Variants in COL12A1 observed in about 807,000 individuals in gnomAD.
The protein encoded by COL12A1 is collagen alpha-1(XII) chain.
Under a neutral mutation model 349.7 loss-of-function variants are expected in COL12A1, and 114 were observed. That is an observed-to-expected ratio of 0.33 (90% CI 0.28 to 0.38). COL12A1 has a LOEUF of 0.38. Among genes scored for constraint, COL12A1 ranks in the 10% least tolerant of loss-of-function variants. The pLI, the probability that COL12A1 is intolerant of heterozygous loss-of-function variation, is 1.00. For synonymous variants in COL12A1, 1,369 were observed against 1,329.0 expected (o/e 1.03, Z -0.66); for missense variants, 3,284 against 3,756.9 (o/e 0.87, Z 3.29).
chr6:75,126,684 T>C (rs1367288004), intron 38 of COL12A1, among the ~76,000 whole-genome samples: 1 of 152,050 alleles, frequency 6.6e-6, no homozygotes, highest in Non-Finnish European at 1.5e-5. Flanking sequence ...ACTCAAGAAC[T>C]AGTGATTTCC....
intron 8 of COL12A1, among the ~76,000 whole-genome samples, chr6:75,185,537 T>C (rs933578354): frequency 7.2e-5 from 11 of 152,086 alleles, no homozygotes; most frequent in Non-Finnish European, 1.5e-4. Context: ...AAAATGGCCA[T>C]ACTGCCAAAA....
At chr6:75,134,700 G>A (rs1246129170) in intron 32 of COL12A1, 26 bp downstream of exon 32, 1 of 1,573,768 alleles carries the variant, frequency 6.4e-7, no homozygotes, top group Non-Finnish European at 8.7e-7. Context: ...TATTAAAGAA[G>A]CTATAGGAAC....
chr6:75,134,992 A>G (rs1766513557), intron 31 of COL12A1, 137 bp from the exon 32 acceptor site: 2 of 752,686 alleles, frequency 2.7e-6, no homozygotes, highest in East Asian at 2.9e-5. Context: ...GTCAAGGTTT[A>G]ACATACACCT....
At chr6:75,174,355 G>A (rs1361310046) in intron 13 of COL12A1, among the ~76,000 whole-genome samples, 2 of 152,056 alleles carry the variant, frequency 1.3e-5, no homozygotes, top group Non-Finnish European at 2.9e-5. Flanking sequence ...AGGAGATCGA[G>A]ATCATCCTGG....
At chr6:75,182,309 C>T (rs1769358599) in intron 10 of COL12A1, among the ~76,000 whole-genome samples, 1 of 151,890 alleles carries the variant, frequency 6.6e-6, no homozygotes, top group South Asian at 2.1e-4. Context: ...TTGCTGCATC[C>T]ATCAACTCGT....
rs372425918 is a variant in COL12A1, at chr6:75,198,322, G to A, written c.74-3375C>T. 3.8e-4 allele frequency among the ~76,000 whole-genome samples: 58 copies of A among 151,940 alleles called. No homozygotes were observed. In the Middle Eastern group the frequency reaches 0.01, roughly 27 times the overall value. On this transcript the variant is annotated intron_variant, in intron 2 of 65. Coordinates refer to ENST00000322507, the MANE Select transcript of COL12A1 (RefSeq NM_004370.6). ...CCACATGCTTAGCATTCCAATAGTG[G>A]AACACTAGGCATAAATGGGTTTAAT... is the stretch of plus-strand genomic sequence containing the variant.
At position 75,205,866 on chromosome 6, in the gene COL12A1, C is replaced by T. The variant is rs1356995673; in HGVS notation, c.-125G>A. On this transcript the variant is annotated 5_prime_UTR_variant, in exon 1 of 66. Transcript: ENST00000322507. ...GGTGCTCGGTGTGGCCCCCACACGC[C>T]CCGGCGATAGGCGCTGCACTCCAGG... is the stretch of plus-strand genomic sequence containing the variant. The T allele has an allele frequency of 6.5e-6, 1 of 152,908 alleles. No individual in the cohort carries two copies. The highest frequency in any genetic ancestry group is 1.9e-4 in the East Asian group (1 of 5,214). The allele number at this position is 152,908 out of a possible 1,614,324, so 9.5% of individuals were successfully genotyped here. A position where few individuals can be genotyped will look rare whatever the true frequency, so the allele number is the denominator to read the frequency against.
intron 8 of COL12A1, among the ~76,000 whole-genome samples, chr6:75,186,184 T>A (rs1183776375): frequency 1.3e-5 from 2 of 152,092 alleles, no homozygotes; most frequent in Non-Finnish European, 2.9e-5. Flanking sequence ...ACAGACAACA[T>A]ACAAAATGGG....
In COL12A1 at chr6:75,113,270, G is replaced by A. The variant is rs747657598; in HGVS notation, c.7884C>T (p.Gly2628=). ...TGTCAAATGTAACAGTTTGCACCTC[G>A]CCTCTTGTATCCTTGTTAAAGAATG... ...TLSFFNKDTR[G]EVQTVTFDTE... The change falls in exon 51 of 66, where the codon GGC becomes GGT. Residue 2628 remains glycine (G), a synonymous_variant. Transcript: ENST00000322507. The A allele has an allele frequency of 2.9e-5, 46 of 1,560,680 alleles. No homozygotes were observed. The highest frequency in any genetic ancestry group is 4.9e-5 in the South Asian group (4 of 81,118).
At chr6:75,086,660 ATAT>A (rs1767506099) in intron 65 of COL12A1, 103 bp from the exon 66 acceptor site, 2 of 358,506 alleles carry the variant, frequency 5.6e-6, no homozygotes, top group South Asian at 7.2e-5. Flanking sequence ...ATATATATAT[ATAT>A]ATATATATAT....
chr6:75,127,789 A>G (rs1766091665), intron 38 of COL12A1, among the ~76,000 whole-genome samples: 1 of 152,204 alleles, frequency 6.6e-6, no homozygotes, highest in African/African-American at 2.4e-5. Flanking sequence ...ATGGGTCTGA[A>G]CATTGATAAT....
chr6:75,085,901 AGAAAAGGT>A lies in COL12A1; in HGVS notation c.*638_*645del, dbSNP rs1189718152. 4 of 153,680 alleles carry A rather than the reference AGAAAAGGT, an allele frequency of 2.6e-5. No homozygotes were observed. The highest frequency in any genetic ancestry group is 5.8e-5 in the Non-Finnish European group (4 of 68,772). 9.5% of individuals were successfully genotyped at this position (153,680 alleles called of 1,614,324 possible). A position where few individuals can be genotyped will look rare whatever the true frequency, so the allele number is the denominator to read the frequency against. Reference sequence around the variant, plus strand: ...CACCAGTGACTACAGCAAAACAGGAAGAAAAGGTGATTTTAAACTTTGGTTTGAAAATT... The same window carrying A: ...CACCAGTGACTACAGCAAAACAGGAAGATTTTAAACTTTGGTTTGAAAATT... On this transcript the variant is annotated 3_prime_UTR_variant, in exon 66 of 66. Transcript: ENST00000322507.
At chr6:75,154,000 A>G (rs913645743) in intron 17 of COL12A1, among the ~76,000 whole-genome samples, 5 of 152,204 alleles carry the variant, frequency 3.3e-5, no homozygotes, top group African/African-American at 1.2e-4. Context: ...CTCTTTAAAT[A>G]ATAGAGCTTA....
At chr6:75,113,767 G>A (rs1424098416) in intron 49 of COL12A1, 23 bp from the exon 50 acceptor site, 4 of 1,496,260 alleles carry the variant, frequency 2.7e-6, no homozygotes, top group Admixed American at 2.0e-5. Flanking sequence ...ACAAAAGAAA[G>A]AAAAAGGAGA....
intron 1 of COL12A1, among the ~76,000 whole-genome samples, chr6:75,204,549 C>T: frequency 6.6e-6 from 1 of 152,166 alleles, no homozygotes; most frequent in East Asian, 1.9e-4. Flanking sequence ...CCAAAACATT[C>T]ATTTGAATGC....
chr6:75,185,621 T>G (rs1769572221), intron 8 of COL12A1, among the ~76,000 whole-genome samples: 1 of 152,170 alleles, frequency 6.6e-6, no homozygotes, highest in South Asian at 2.1e-4. Context: ...ACACCTATTT[T>G]AAATTTCATA....
chr6:75,130,193 T>G lies in COL12A1; in HGVS notation c.6108A>C (p.Glu2036Asp), dbSNP rs991352162. Residue 2036 changes from glutamate to aspartate, a missense_variant, in exon 37 of 66, where the codon GAA becomes GAC. Around this residue, in one of 2 missense-constraint regions of COL12A1, gnomAD observed 2,601 missense variants for 2,824.8 expected, o/e 0.92. Coordinates refer to ENST00000322507, the MANE Select transcript of COL12A1 (RefSeq NM_004370.6). ...SGPRNLRVFG[E>D]TTNSLSVAWD... Reference sequence around the variant, plus strand: ...AGGCTACCGAGAGGCTATTGGTTGTTTCACCAAAGACTCTCAGGTTCCTTG... The same window carrying G: ...AGGCTACCGAGAGGCTATTGGTTGTGTCACCAAAGACTCTCAGGTTCCTTG... The G allele has an allele frequency of 5.0e-6, 8 of 1,613,902 alleles. No individual in the cohort carries two copies. Among genetic ancestry groups the G allele is most frequent in the Non-Finnish European group, 5.9e-6 (7 of 1,179,972 alleles).
intron 58 of COL12A1, among the ~76,000 whole-genome samples, chr6:75,098,329 C>T (rs1768147244): frequency 6.6e-6 from 1 of 152,108 alleles, no homozygotes; most frequent in South Asian, 2.1e-4. Context: ...TGTCTCCACT[C>T]CTGGTGAATT....
At position 75,101,175 on chromosome 6, in the gene COL12A1, G is replaced by A. The variant is rs114388925; in HGVS notation, c.8523+425C>T. On this transcript the variant is annotated intron_variant, in intron 58 of 65. Transcript: ENST00000322507. Reference sequence around the variant, plus strand: ...GAAGTGGTATTTGAGTTCTAAAGGTGTAGACAGGATGTCTTGAGTTTGTAG... The same window carrying A: ...GAAGTGGTATTTGAGTTCTAAAGGTATAGACAGGATGTCTTGAGTTTGTAG... 9.7e-3 allele frequency among the ~76,000 whole-genome samples: 1,475 copies of A among 152,298 alleles called. 16 individuals are homozygous for A. Among genetic ancestry groups the A allele is most frequent in the African/African-American group, 0.034 (1,400 of 41,558 alleles).
Sources: allele counts gnomAD v4.1 joint callset (sites outside exome capture counted in the v4.1 genomes callset), GRCh38; gene constraint gnomAD v4.1.1; regional missense constraint gnomAD v4.1.1; transcripts MANE v1.5; gene names NCBI Gene and HGNC (gene_info 2026-07-23, HGNC 2026-07-21).